The following ETV3L variants were observed in gnomAD, a reference collection of about 807,000 sequenced individuals.
The protein encoded by ETV3L is ETS translocation variant 3-like protein.
ETV3L carries 30 observed loss-of-function variants against 27.6 expected under a neutral mutation model. The observed-to-expected ratio is 1.09, with a 90% confidence interval of 0.81 to 1.48. ETV3L has a LOEUF of 1.48. ETV3L is among the 40% of genes most tolerant of loss of function. The pLI is 0.00. For missense variants in ETV3L, 443 were observed against 455.6 expected (o/e 0.97, Z 0.25); for synonymous variants, 186 against 188.9 (o/e 0.98, Z 0.12).
chr1:157,092,885 G>GA lies in ETV3L; in HGVS notation c.849dup (p.Pro284SerfsTer15), dbSNP rs2103181191. 1 of 1,614,056 alleles carries GA rather than the reference G, an allele frequency of 6.2e-7. No individual in the cohort carries two copies. Among genetic ancestry groups the GA allele is most frequent in the South Asian group, 1.1e-5 (1 of 91,076 alleles). ...AGCCCTGCCAAGAGAGGAAGCCCTG[G>GA]AAAATGCCAGGCCCCTGGGAGGCTC... is the stretch of plus-strand genomic sequence containing the variant. On this transcript the variant is annotated frameshift_variant, in exon 5 of 5. Transcript: ENST00000454449. LOFTEE classifies it low-confidence loss of function (END_TRUNC).
At position 157,092,590 on chromosome 1, in the gene ETV3L, G is replaced by T; in HGVS notation, c.*59C>A. The T allele has an allele frequency of 7.0e-7, 1 of 1,423,528 alleles. No homozygotes were observed. The highest frequency in any genetic ancestry group is 9.6e-7 in the Non-Finnish European group (1 of 1,041,198). 88.2% of individuals were successfully genotyped at this position (1,423,528 alleles called of 1,614,324 possible). ...GGAAGGGGCTAACCCAGAGGCGGTG[G>T]GCAAGAGGAGAGATGGACTTTGGAG... On this transcript the variant is annotated 3_prime_UTR_variant, in exon 5 of 5. Coordinates refer to ENST00000454449, the MANE Select transcript of ETV3L (RefSeq NM_001004341.2).
rs955862758 is a variant in ETV3L, at chr1:157,092,352, G to A, written c.*297C>T. 6.0e-6 allele frequency: 2 copies of A among 335,436 alleles called. No individual in the cohort carries two copies. Among genetic ancestry groups the A allele is most frequent in the South Asian group, 5.2e-5 (1 of 19,250 alleles). The allele number at this position is 335,436 out of a possible 1,614,324, so 20.8% of individuals were successfully genotyped here. On this transcript the variant is annotated 3_prime_UTR_variant, in exon 5 of 5. Transcript: ENST00000454449. Reference sequence around the variant, plus strand: ...TTAATTTTCCCCCTTATGTGGGCAGGATGGAAATTATAGAAACTTTATTCT... The same window carrying A: ...TTAATTTTCCCCCTTATGTGGGCAGAATGGAAATTATAGAAACTTTATTCT...
chr1:157,099,600 G>C lies in ETV3L; in HGVS notation c.-77C>G. 4.4e-5 allele frequency: 52 copies of C among 1,183,460 alleles called. No individual in the cohort carries two copies. The highest frequency in any genetic ancestry group is 5.9e-5 in the Non-Finnish European group (48 of 815,892). 73.3% of individuals were successfully genotyped at this position (1,183,460 alleles called of 1,614,324 possible). A position where few individuals can be genotyped will look rare whatever the true frequency, so the allele number is the denominator to read the frequency against. ...ACTTAAGAGGAAGGGAAGGAAGGAGGCAGAGGGGAGGACAGTGAAAGAGGA... is the reference window on the plus strand; with the variant it reads ...ACTTAAGAGGAAGGGAAGGAAGGAGCCAGAGGGGAGGACAGTGAAAGAGGA... On this transcript the variant is annotated 5_prime_UTR_variant, in exon 1 of 5. Transcript: ENST00000454449.
Position 157,092,984 on chromosome 1 carries a change from AG to A in ETV3L, c.750del (p.Phe251SerfsTer62). 2 of 1,613,400 alleles carry A rather than the reference AG, an allele frequency of 1.2e-6. No homozygotes were observed. The highest frequency in any genetic ancestry group is 1.7e-6 in the Non-Finnish European group (2 of 1,179,636). Reference protein sequence around the residue: ...LPSNWTCLSGPFLPPLPSEQQ... With the variant: ...LPSNWTCLSGXFLPPLPSEQQ... ...TGCTCTGACGGGAGAGGAGGCAAGA[AG>A]GGCCCCGAGAGACAGGTCCAGTTGG... On this transcript the variant is annotated frameshift_variant, in exon 5 of 5. Transcript: ENST00000454449. LOFTEE classifies it low-confidence loss of function (END_TRUNC).
chr1:157,099,267 A>T lies in ETV3L; in HGVS notation c.170T>A (p.Val57Asp), dbSNP rs758152885. 48 of 1,613,910 alleles carry T rather than the reference A, an allele frequency of 3.0e-5. No homozygotes were observed. In the African/African-American group the frequency reaches 6.3e-4, roughly 21 times the overall value. Residue 57 changes from valine to aspartate, a missense_variant, in exon 2 of 5, where the codon GTC (valine) becomes GAC (aspartate). Coordinates refer to ENST00000454449, the MANE Select transcript of ETV3L (RefSeq NM_001004341.2). Reference protein sequence around the residue: ...ELLQKEEFRHVIAWQQGEYGE... With the variant: ...ELLQKEEFRHDIAWQQGEYGE... ...GTACTCTCCCTGCTGCCAGGCGATG[A>T]CATGGCGGAACTCTTCCTTCTGCAG...
chr1:157,096,826 T>C lies in ETV3L; in HGVS notation c.607+1042A>G, dbSNP rs986337023. Among the ~76,000 whole-genome samples, 3 of 152,168 alleles carry C rather than the reference T, an allele frequency of 2.0e-5. No homozygotes were observed. In the East Asian group the frequency reaches 5.8e-4, roughly 30 times the overall value. ...CCCAGTTACTTGGGAGGCTGAGGCA[T>C]GAGAATCGCTTGAACCCAGGAGACG... On this transcript the variant is annotated intron_variant, in intron 4 of 4. Coordinates refer to ENST00000454449, the MANE Select transcript of ETV3L (RefSeq NM_001004341.2).
In ETV3L at chr1:157,099,657, G is replaced by C; in HGVS notation, c.-134C>G. 2 of 726,194 alleles carry C rather than the reference G, an allele frequency of 2.8e-6. No individual in the cohort carries two copies. The highest frequency in any genetic ancestry group is 4.6e-6 in the Non-Finnish European group (2 of 430,854). 45.0% of individuals were successfully genotyped at this position (726,194 alleles called of 1,614,324 possible). A position where few individuals can be genotyped will look rare whatever the true frequency, so the allele number is the denominator to read the frequency against. ...AATGGAGGGAAAGAAGGAAGGAAGG[G>C]AGAGGGTCAGGAAAGAAAGAGAGAA... On this transcript the variant is annotated 5_prime_UTR_variant, in exon 1 of 5. Coordinates refer to ENST00000454449, the MANE Select transcript of ETV3L (RefSeq NM_001004341.2).
At chr1:157,094,352 G>A (rs1407703602) in intron 4 of ETV3L, among the ~76,000 whole-genome samples, 1 of 152,148 alleles carries the variant, frequency 6.6e-6, no homozygotes, top group Non-Finnish European at 1.5e-5. Context: ...TCTCACTCTG[G>A]TCCATAACTT....
At chr1:157,094,462 G>A (rs2103182216) in intron 4 of ETV3L, among the ~76,000 whole-genome samples, 1 of 152,336 alleles carries the variant, frequency 6.6e-6, no homozygotes, top group East Asian at 1.9e-4. Context: ...CCCAGCTGGG[G>A]GCCTTGGAGA....
chr1:157,095,551 C>CTT (rs397939617), intron 4 of ETV3L, among the ~76,000 whole-genome samples: 8 of 140,590 alleles, frequency 5.7e-5, no homozygotes, highest in African/African-American at 7.9e-5. Context: ...TTCTTTCTTT[C>CTT]TTTTTTTTTT....
chr1:157,098,675 G>C, intron 3 of ETV3L, 31 bp downstream of exon 3: 1 of 1,539,508 alleles, frequency 6.5e-7, no homozygotes, highest in Non-Finnish European at 8.7e-7. Context: ...ACCTGGTGGA[G>C]CCCTGAGACA....
In ETV3L at chr1:157,092,795, G is replaced by T; in HGVS notation, c.940C>A (p.Pro314Thr). The change falls in exon 5 of 5, where the codon CCT (proline) becomes ACT (threonine). Residue 314 changes from proline (P) to threonine (T), a missense_variant. Pro to Thr is a conservative substitution (Grantham distance 38). Coordinates refer to ENST00000454449, the MANE Select transcript of ETV3L (RefSeq NM_001004341.2). The stretch of plus-strand genomic sequence containing the variant: ...CCCTTTGCCTCCATCATGGGAGCAG[G>T]CTTTACTTCCAGCCCCTCGGGCCTG... ...SLRPEGLEVK[P>T]APMMEAKGGL... is the part of the protein sequence containing the mutation. 1.2e-6 allele frequency: 2 copies of T among 1,614,174 alleles called. No homozygotes were observed. The highest frequency in any genetic ancestry group is 1.7e-6 in the Non-Finnish European group (2 of 1,180,026).
chr1:157,095,547 C>CTTT (rs111798352), intron 4 of ETV3L, among the ~76,000 whole-genome samples: 7 of 143,532 alleles, frequency 4.9e-5, no homozygotes, highest in Non-Finnish European at 7.6e-5. Flanking sequence ...TTCTTTCTTT[C>CTTT]TTTCTTTTTT....
Position 157,099,262 on chromosome 1 carries a change from C to G in ETV3L, c.175G>C (p.Ala59Pro). ...TCCCCGTACTCTCCCTGCTGCCAGG[C>G]GATGACATGGCGGAACTCTTCCTTC... is the stretch of plus-strand genomic sequence containing the variant. ...LQKEEFRHVI[A>P]WQQGEYGEFV... The change falls in exon 2 of 5, where the codon GCC becomes CCC. Residue 59 changes from alanine (A) to proline (P), a missense_variant. Physicochemically the swap from Ala to Pro is conservative, Grantham distance 27 (BLOSUM62 -1). Transcript: ENST00000454449. 1 of 1,614,012 alleles carries G rather than the reference C, an allele frequency of 6.2e-7. No homozygotes were observed. Among genetic ancestry groups the G allele is most frequent in the East Asian group, 2.2e-5 (1 of 44,890 alleles).
At position 157,099,529 on chromosome 1, in the gene ETV3L, A is replaced by T. The variant is rs1434617860; in HGVS notation, c.-6T>A. On this transcript the variant is annotated 5_prime_UTR_variant, in exon 1 of 5. Transcript: ENST00000454449. ...GCCAAGCAGCTGCAGTGCATGGTCC[A>T]CTCCGGCGAGATGGGCTGTGTCTGG... 2 of 1,606,378 alleles carry T rather than the reference A, an allele frequency of 1.2e-6. No homozygotes were observed. The highest frequency in any genetic ancestry group is 2.7e-5 in the African/African-American group (2 of 74,478).
Position 157,092,423 on chromosome 1 carries a change from G to T in ETV3L, c.*226C>A. The T allele has an allele frequency of 3.7e-6, 2 of 547,326 alleles. No homozygotes were observed. The highest frequency in any genetic ancestry group is 6.4e-6 in the Non-Finnish European group (2 of 310,174). 33.9% of individuals were successfully genotyped at this position (547,326 alleles called of 1,614,324 possible). On this transcript the variant is annotated 3_prime_UTR_variant, in exon 5 of 5. Coordinates refer to ENST00000454449, the MANE Select transcript of ETV3L (RefSeq NM_001004341.2). ...GAGATTAGGAATGTCCCCTTAGTCT[G>T]CTTAGCAATATGGTGAAAGAGGAGG...
At position 157,099,519 on chromosome 1, in the gene ETV3L, T is replaced by G; in HGVS notation, c.5A>C (p.His2Pro). ...GATGCCCTCAGCCAAGCAGCTGCAG[T>G]GCATGGTCCACTCCGGCGAGATGGG... MHCSCLAEGIPA... is the reference protein window; with the variant it reads MPCSCLAEGIPA... The change falls in exon 1 of 5, where the codon CAC (histidine) becomes CCC (proline). Residue 2 changes from histidine to proline, a missense_variant. Physicochemically the swap from His to Pro is moderately conservative, Grantham distance 77. Coordinates refer to ENST00000454449, the MANE Select transcript of ETV3L (RefSeq NM_001004341.2). 1 of 1,610,422 alleles carries G rather than the reference T, an allele frequency of 6.2e-7. No individual in the cohort carries two copies. The highest frequency in any genetic ancestry group is 1.1e-5 in the South Asian group (1 of 90,468).
intron 4 of ETV3L, among the ~76,000 whole-genome samples, chr1:157,095,263 C>T (rs1674197732): frequency 6.6e-6 from 1 of 152,204 alleles, no homozygotes; most frequent in African/African-American, 2.4e-5. Flanking sequence ...AGCTCCCTGC[C>T]TCCGGCTCAA....
rs753713809 is a variant in ETV3L at position 157,092,717 on chromosome 1, C to G, written c.1018G>C (p.Gly340Arg). 3.1e-6 allele frequency: 5 copies of G among 1,613,956 alleles called. No homozygotes were observed. The Admixed American group carries it at 8.3e-5, about 27-fold the overall frequency. The change falls in exon 5 of 5, where the codon GGG becomes CGG. Residue 340 changes from glycine to arginine, a missense_variant. Transcript: ENST00000454449. The stretch of plus-strand genomic sequence containing the variant: ...TTGGGGGAAGTAAGGCTTTCCTCCC[C>G]AGTTTTGAGTCTGCGGGTCTCTGGG... ...FCPETRRLKT[G>R]EESLTSPNLE...
Sources: gnomAD v4.1 joint callset for allele counts (sites outside exome capture counted in the v4.1 genomes callset) on GRCh38, gnomAD v4.1.1 for gene constraint, MANE v1.5 for transcripts, NCBI Gene and HGNC (gene_info 2026-07-23, HGNC 2026-07-21) for gene names.